Variants in ANKRD11 observed in about 807,000 individuals in gnomAD.
ANKRD11 encodes the protein ankyrin repeat domain-containing protein 11.
A neutral mutation model predicts 195.7 loss-of-function variants in ANKRD11; 17 were observed. That is an observed-to-expected ratio of 0.09 (90% confidence interval 0.06 to 0.13). The LOEUF (loss-of-function observed/expected upper bound fraction) is 0.13, where lower values mean the gene tolerates loss of function less well. Ranked by LOEUF, ANKRD11 falls within the 10% of genes least tolerant of loss-of-function variation. The probability of loss-of-function intolerance (pLI) is 1.00; values close to 1 mark genes in which losing one functional copy is unlikely to be tolerated. For missense variants in ANKRD11, 3,735 were observed against 3,566.1 expected (o/e 1.05, Z -1.21); for synonymous variants, 1,953 against 1,528.1 (o/e 1.28, Z -6.49).
intron 2 of ANKRD11, among the ~76,000 whole-genome samples, chr16:89,335,743 C>T (rs1014635271): frequency 2.6e-5 from 4 of 152,224 alleles, no homozygotes; most frequent in Admixed American, 1.3e-4. Context: ...CATCACTGAC[C>T]GTGACAGGCC....
chr16:89,344,738 A>AGCACAGCGGAGGGCACGGGG (rs1412994476), intron 2 of ANKRD11, among the ~76,000 whole-genome samples: 1 of 147,608 alleles, frequency 6.8e-6, no homozygotes, highest in Non-Finnish European at 1.5e-5. Flanking sequence ...AGGGCACGGG[A>AGCACAGCGGAGGGCACGGGG]GCACAGCGGA....
chr16:89,272,778 AAAG>A (rs2033277937), intron 11 of ANKRD11: 1 of 152,244 alleles, frequency 6.6e-6, no homozygotes, highest in Admixed American at 6.5e-5. Context: ...ATGAATGGAT[AAAG>A]AATATGTGCT....
At chr16:89,389,325 T>C (rs552471461) in intron 2 of ANKRD11, among the ~76,000 whole-genome samples, 21 of 152,158 alleles carry the variant, frequency 1.4e-4, no homozygotes, top group African/African-American at 5.1e-4. Context: ...ACACCCGACC[T>C]ACAACTTTGC....
At chr16:89,294,574 T>C (rs2035289194) in intron 4 of ANKRD11, among the ~76,000 whole-genome samples, 1 of 152,172 alleles carries the variant, frequency 6.6e-6, no homozygotes. Context: ...CAGTGGCTTC[T>C]GGGGTAGAGG....
intron 1 of ANKRD11, among the ~76,000 whole-genome samples, chr16:89,468,722 C>T (rs576579255): frequency 3.3e-5 from 5 of 151,922 alleles, no homozygotes; most frequent in African/African-American, 4.8e-5. Flanking sequence ...AAAAGAAGGA[C>T]GAAGCAAAAG....
At position 89,312,843 on chromosome 16, in the gene ANKRD11, T is replaced by C. The variant is rs115480776; in HGVS notation, c.87+4090A>G. ...AGGCCCAGCCATGCGCCTCCCAGCT[T>C]CTCAGCTAAGGTCACTCTGGAATAC... is the stretch of plus-strand genomic sequence containing the variant. On this transcript the variant is annotated intron_variant, in intron 3 of 12. Transcript: ENST00000301030. Among the ~76,000 whole-genome samples the C allele has an allele frequency of 6.8e-3, 1,037 of 152,250 alleles. 8 individuals are homozygous for C. The highest frequency in any genetic ancestry group is 0.023 in the African/African-American group (971 of 41,542).
At position 89,291,214 on chromosome 16, in the gene ANKRD11, G is replaced by A. The variant is rs150957259; in HGVS notation, c.227-31C>T. 3.7e-6 allele frequency: 6 copies of A among 1,610,282 alleles called. No homozygotes were observed. The highest frequency in any genetic ancestry group is 4.2e-6 in the Non-Finnish European group (5 of 1,179,788). On this transcript the variant is annotated intron_variant, in intron 4 of 12. Coordinates refer to ENST00000301030, the MANE Select transcript of ANKRD11 (RefSeq NM_013275.6). This position sits in a 1 kb window ranked among gnomAD's most constrained non-coding sequence, Gnocchi z 5.3. ...AGGCGGGCGAGGGAGAGAGGGAGGA[G>A]AGATTTCATGCCATGGTGTCCTCCA...
intron 1 of ANKRD11, among the ~76,000 whole-genome samples, chr16:89,437,406 G>A (rs551292398): frequency 2.9e-4 from 44 of 152,106 alleles, no homozygotes; most frequent in African/African-American, 8.7e-4. Flanking sequence ...GGCTCTTCCC[G>A]CCTCCCACTG....
chr16:89,273,472 C>T (rs561347251), intron 11 of ANKRD11, among the ~76,000 whole-genome samples: 37 of 152,126 alleles, frequency 2.4e-4, no homozygotes, highest in Middle Eastern at 3.4e-3. Flanking sequence ...GAGGCTGAGG[C>T]GGGTGGATCA....
chr16:89,283,293 C>T lies in ANKRD11; in HGVS notation c.3249G>A (p.Gly1083=), dbSNP rs752446093. The change falls in exon 9 of 13, where the codon GGG becomes GGA. Residue 1083 remains glycine, a synonymous_variant. Coordinates refer to ENST00000301030, the MANE Select transcript of ANKRD11 (RefSeq NM_013275.6). This position sits in a 1 kb window ranked among gnomAD's most constrained non-coding sequence, Gnocchi z 4.3. ...DKERKASLDQ[G]KEKKEKAFPG... is the part of the protein sequence containing the mutation. The stretch of plus-strand genomic sequence containing the variant: ...GGAAAGCCTTCTCCTTCTTCTCTTT[C>T]CCTTGGTCGAGAGACGCTTTCCTTT... 1.5e-5 allele frequency: 25 copies of T among 1,613,986 alleles called. No homozygotes were observed. Among genetic ancestry groups the T allele is most frequent in the Non-Finnish European group, 2.0e-5 (24 of 1,180,048 alleles).
chr16:89,330,311 G>A (rs1255583895), intron 2 of ANKRD11, among the ~76,000 whole-genome samples: 1 of 152,118 alleles, frequency 6.6e-6, no homozygotes, highest in Non-Finnish European at 1.5e-5. Context: ...GCTTCTGGGT[G>A]GGTGGGAAGG....
At chr16:89,384,676 A>G (rs959985415) in intron 2 of ANKRD11, among the ~76,000 whole-genome samples, 1 of 152,032 alleles carries the variant, frequency 6.6e-6, no homozygotes, top group Non-Finnish European at 1.5e-5. Context: ...GAAGACACAA[A>G]CTACAGAAAG....
At chr16:89,331,837 T>C (rs1046613816) in intron 2 of ANKRD11, among the ~76,000 whole-genome samples, 4 of 152,188 alleles carry the variant, frequency 2.6e-5, no homozygotes, top group African/African-American at 9.7e-5. Flanking sequence ...TGGTTTTGAA[T>C]GTTTTCGGCG....
At chr16:89,274,509 G>A (rs1313394362) in intron 11 of ANKRD11, among the ~76,000 whole-genome samples, 1 of 152,186 alleles carries the variant, frequency 6.6e-6, no homozygotes, top group African/African-American at 2.4e-5. Context: ...ACCCGTGAGA[G>A]GTAGGTAGGG....
intron 2 of ANKRD11, among the ~76,000 whole-genome samples, chr16:89,338,528 A>G (rs1387142131): frequency 6.6e-6 from 1 of 151,922 alleles, no homozygotes; most frequent in Non-Finnish European, 1.5e-5. Context: ...CAGGAGTTCA[A>G]GACCAGCCTG....
At chr16:89,430,253 T>A (rs1260814608) in intron 1 of ANKRD11, among the ~76,000 whole-genome samples, 13 of 123,410 alleles carry the variant, frequency 1.1e-4, no homozygotes, top group Non-Finnish European at 3.4e-5. Context: ...GTCGTTCTAG[T>A]ACACAGCAGG....
intron 1 of ANKRD11, among the ~76,000 whole-genome samples, chr16:89,468,690 G>A (rs1442642285): frequency 6.6e-6 from 1 of 152,152 alleles, no homozygotes; most frequent in African/African-American, 2.4e-5. Context: ...CTGGGCAACA[G>A]AGTAAGACGC....
In ANKRD11 at chr16:89,284,749, T is replaced by C; in HGVS notation, c.1793A>G (p.His598Arg). Residue 598 changes from histidine to arginine, a missense_variant, in exon 9 of 13, where the codon CAC (histidine) becomes CGC (arginine). Coordinates refer to ENST00000301030, the MANE Select transcript of ANKRD11 (RefSeq NM_013275.6). Reference sequence around the variant, plus strand: ...CTCCGACAGGGAGGCTCGCTTCCTGTGCTCCTGCCTCTTCCTCACTGGCTT... The same window carrying C: ...CTCCGACAGGGAGGCTCGCTTCCTGCGCTCCTGCCTCTTCCTCACTGGCTT... ...SLKPVRKRQE[H>R]RKRASLSEKK... The C allele has an allele frequency of 6.2e-7, 1 of 1,613,576 alleles. No homozygotes were observed. The highest frequency in any genetic ancestry group is 8.5e-7 in the Non-Finnish European group (1 of 1,179,960).
chr16:89,375,870 G>C (rs1389996821), intron 2 of ANKRD11, among the ~76,000 whole-genome samples: 1 of 150,922 alleles, frequency 6.6e-6, no homozygotes, highest in African/African-American at 2.4e-5. Flanking sequence ...CCCACACAAA[G>C]TGCCACTAGC....
Sources: allele counts gnomAD v4.1 joint callset (sites outside exome capture counted in the v4.1 genomes callset), GRCh38; gene constraint gnomAD v4.1.1; non-coding constraint Gnocchi (gnomAD v3.1); transcripts MANE v1.5; gene names NCBI Gene and HGNC (gene_info 2026-07-23, HGNC 2026-07-21).